Variants in TAS2R3 observed in about 807,000 individuals in gnomAD.
The protein encoded by TAS2R3 is taste 2 receptor member 3.
A neutral mutation model predicts 15.3 loss-of-function variants in TAS2R3; 10 were observed. That is an observed-to-expected ratio of 0.65 (90% CI 0.40 to 1.11). TAS2R3 has a LOEUF of 1.11. TAS2R3 is among the 50% of genes least tolerant of loss of function. The pLI is 0.00. For missense variants in TAS2R3, 383 were observed against 370.3 expected (o/e 1.03, Z -0.28); for synonymous variants, 162 against 141.3 (o/e 1.15, Z -1.04).
In TAS2R3 at chr7:141,764,185, C is replaced by T. The variant is rs771561198; in HGVS notation, c.27C>T (p.Phe9=). The change falls in exon 1 of 1, where the codon TTC becomes TTT. Residue 9 remains phenylalanine, a synonymous_variant. Transcript: ENST00000247879. ...TGATGGGACTCACCGAGGGGGTGTT[C>T]CTGATTCTGTCTGGCACTCAGTTCA... MMGLTEGV[F]LILSGTQFTL... 1.1e-5 allele frequency: 18 copies of T among 1,613,496 alleles called. No individual in the cohort carries two copies. The highest frequency in any genetic ancestry group is 1.5e-5 in the Non-Finnish European group (18 of 1,179,904).
rs897238281 is a variant in TAS2R3 at position 141,764,332 on chromosome 7, G to A, written c.174G>A (p.Leu58=). 2 of 1,614,188 alleles carry A rather than the reference G, an allele frequency of 1.2e-6. No homozygotes were observed. The highest frequency in any genetic ancestry group is 1.7e-6 in the Non-Finnish European group (2 of 1,180,046). The part of the protein sequence containing the change: ...ITTLALLRII[L]LCIILTDSFL... ...CCCTGGCACTCTTGAGGATCATTCT[G>A]CTGTGTATTATCTTGACTGATAGTT... Residue 58 remains leucine, a synonymous_variant, in exon 1 of 1, where the codon CTG becomes CTA. Coordinates refer to ENST00000247879, the MANE Select transcript of TAS2R3 (RefSeq NM_016943.2).
At position 141,765,185 on chromosome 7, in the gene TAS2R3, C is replaced by T; in HGVS notation, c.*76C>T. ...GACTACAGGACTCTTCCTGACCTTC[C>T]TATGTTACCAGTTCCATAACATCAG... On this transcript the variant is annotated 3_prime_UTR_variant, in exon 1 of 1. Coordinates refer to ENST00000247879, the MANE Select transcript of TAS2R3 (RefSeq NM_016943.2). 7.0e-7 allele frequency: 1 copy of T among 1,435,510 alleles called. No individual in the cohort carries two copies. Among genetic ancestry groups the T allele is most frequent in the Non-Finnish European group, 9.4e-7 (1 of 1,061,708 alleles). 88.9% of individuals were successfully genotyped at this position (1,435,510 alleles called of 1,614,324 possible). A position where few individuals can be genotyped will look rare whatever the true frequency, so the allele number is the denominator to read the frequency against.
Position 141,764,540 on chromosome 7 carries a change from A to C in TAS2R3, c.382A>C (p.Arg128=), listed in dbSNP as rs1280086886. Residue 128 remains arginine, a synonymous_variant, in exon 1 of 1, where the codon AGG becomes CGG. Transcript: ENST00000247879. ...TFLWLKWRVS[R]VMVWMLLGAL... Reference sequence around the variant, plus strand: ...CCTCTGGCTCAAGTGGAGAGTTTCTAGGGTGATGGTATGGATGCTGTTGGG... The same window carrying C: ...CCTCTGGCTCAAGTGGAGAGTTTCTCGGGTGATGGTATGGATGCTGTTGGG... 3.1e-6 allele frequency: 5 copies of C among 1,614,094 alleles called. No homozygotes were observed. Among genetic ancestry groups the C allele is most frequent in the Non-Finnish European group, 4.2e-6 (5 of 1,180,004 alleles).
chr7:141,764,178 G>C lies in TAS2R3; in HGVS notation c.20G>C (p.Gly7Ala). 1 of 1,613,160 alleles carries C rather than the reference G, an allele frequency of 6.2e-7. No individual in the cohort carries two copies. The highest frequency in any genetic ancestry group is 8.5e-7 in the Non-Finnish European group (1 of 1,179,764). The change falls in exon 1 of 1, where the codon GGG becomes GCG. Residue 7 changes from glycine to alanine, a missense_variant. By Grantham distance (60) the Gly-to-Ala change is moderately conservative (BLOSUM62 0). Transcript: ENST00000247879. Reference sequence around the variant, plus strand: ...GCTGACATGATGGGACTCACCGAGGGGGTGTTCCTGATTCTGTCTGGCACT... The same window carrying C: ...GCTGACATGATGGGACTCACCGAGGCGGTGTTCCTGATTCTGTCTGGCACT... MMGLTE[G>A]VFLILSGTQF...
chr7:141,765,142 C>T lies in TAS2R3; in HGVS notation c.*33C>T. Reference sequence around the variant, plus strand: ...GAGGGCATGGGGTGGAGCCCTTGAGCCTTTTGGCCTGGCTCAAGACTACAG... The same window carrying T: ...GAGGGCATGGGGTGGAGCCCTTGAGTCTTTTGGCCTGGCTCAAGACTACAG... On this transcript the variant is annotated 3_prime_UTR_variant, in exon 1 of 1. Transcript: ENST00000247879. The T allele has an allele frequency of 2.0e-5, 31 of 1,562,930 alleles. No individual in the cohort carries two copies. The highest frequency in any genetic ancestry group is 2.5e-5 in the Non-Finnish European group (29 of 1,157,978).
rs886527517 is a variant in TAS2R3, at chr7:141,764,337, G to A, written c.179G>A (p.Cys60Tyr). 2 of 1,614,180 alleles carry A rather than the reference G, an allele frequency of 1.2e-6. No individual in the cohort carries two copies. The highest frequency in any genetic ancestry group is 1.7e-5 in the Admixed American group (1 of 60,022). The change falls in exon 1 of 1, where the codon TGT becomes TAT. Residue 60 changes from cysteine (C) to tyrosine (Y), a missense_variant. Physicochemically the swap from Cys to Tyr is radical, Grantham distance 194 (BLOSUM62 -2). Transcript: ENST00000247879. ...GCACTCTTGAGGATCATTCTGCTGT[G>A]TATTATCTTGACTGATAGTTTTTTA... ...TLALLRIILLCIILTDSFLIE... is the reference protein window; with the variant it reads ...TLALLRIILLYIILTDSFLIE...
rs759035678 is a variant in TAS2R3 at position 141,764,659 on chromosome 7, G to A, written c.501G>A (p.Val167=). The change falls in exon 1 of 1, where the codon GTG becomes GTA. Residue 167 remains valine (V), a synonymous_variant. Transcript: ENST00000247879. ...GGGGAATTGAGGCCACCAGGAATGT[G>A]ACTGAACACTTCAGAAAGAAGAGGA... ...VFRGIEATRN[V]TEHFRKKRSE... is the part of the protein sequence containing the mutation. 1.2e-6 allele frequency: 2 copies of A among 1,614,038 alleles called. No individual in the cohort carries two copies. Among genetic ancestry groups the A allele is most frequent in the Non-Finnish European group, 1.7e-6 (2 of 1,180,038 alleles).
chr7:141,764,765 C>T lies in TAS2R3; in HGVS notation c.607C>T (p.Leu203Phe). Residue 203 changes from leucine to phenylalanine, a missense_variant, in exon 1 of 1, where the codon CTC (leucine) becomes TTC (phenylalanine). Leu to Phe is a conservative substitution (Grantham distance 22, BLOSUM62 0). Transcript: ENST00000247879. ...TGTGTCCCTGGCCTCCTACTCTTTG[C>T]TCATCTTCTCCCTGGGGAGGCACAC... ...LIVSLASYSL[L>F]IFSLGRHTRQ... 2.5e-6 allele frequency: 4 copies of T among 1,613,726 alleles called. No homozygotes were observed. The highest frequency in any genetic ancestry group is 3.4e-6 in the Non-Finnish European group (4 of 1,179,764).
rs755112465 is a variant in TAS2R3 at position 141,764,987 on chromosome 7, C to A, written c.829C>A (p.Pro277Thr). Reference sequence around the variant, plus strand: ...TGGCGAAGTAATGACAATGTTTTATCCTGCTGGCCACTCATTTATTCTCAT... The same window carrying A: ...TGGCGAAGTAATGACAATGTTTTATACTGCTGGCCACTCATTTATTCTCAT... ...MIGEVMTMFY[P>T]AGHSFILILG... Residue 277 changes from proline to threonine, a missense_variant, in exon 1 of 1, where the codon CCT becomes ACT. Transcript: ENST00000247879. The A allele has an allele frequency of 6.2e-7, 1 of 1,614,052 alleles. No homozygotes were observed. Among genetic ancestry groups the A allele is most frequent in the African/African-American group, 1.3e-5 (1 of 74,918 alleles).
Position 141,764,402 on chromosome 7 carries a change from A to T in TAS2R3, c.244A>T (p.Met82Leu). 1 of 1,614,158 alleles carries T rather than the reference A, an allele frequency of 6.2e-7. No individual in the cohort carries two copies. The highest frequency in any genetic ancestry group is 1.1e-5 in the South Asian group (1 of 91,072). The change falls in exon 1 of 1, where the codon ATG becomes TTG. Residue 82 changes from methionine (M) to leucine (L), a missense_variant. By Grantham distance (15) the Met-to-Leu change is conservative. Coordinates refer to ENST00000247879, the MANE Select transcript of TAS2R3 (RefSeq NM_016943.2). ...SPNTHDSGII[M>L]QIIDVSWTFT... ...CAACACACATGATTCAGGGATAATA[A>T]TGCAAATTATTGATGTTTCCTGGAC... is the stretch of plus-strand genomic sequence containing the variant.
rs1298158512 is a variant in TAS2R3, at chr7:141,764,419, T to G, written c.261T>G (p.Val87=). The stretch of plus-strand genomic sequence containing the variant: ...GGATAATAATGCAAATTATTGATGT[T>G]TCCTGGACATTTACAAACCATCTGA... ...DSGIIMQIID[V]SWTFTNHLSI... Residue 87 remains valine, a synonymous_variant, in exon 1 of 1, where the codon GTT becomes GTG. Transcript: ENST00000247879. 1 of 1,614,078 alleles carries G rather than the reference T, an allele frequency of 6.2e-7. No individual in the cohort carries two copies. The highest frequency in any genetic ancestry group is 8.5e-7 in the Non-Finnish European group (1 of 1,180,054).
At position 141,764,978 on chromosome 7, in the gene TAS2R3, A is replaced by G. The variant is rs771250168; in HGVS notation, c.820A>G (p.Met274Val). The change falls in exon 1 of 1, where the codon ATG becomes GTG. Residue 274 changes from methionine (M) to valine (V), a missense_variant. Met to Val is a conservative substitution (Grantham distance 21). Coordinates refer to ENST00000247879, the MANE Select transcript of TAS2R3 (RefSeq NM_016943.2). ...MAKMIGEVMT[M>V]FYPAGHSFIL... ...TAAGATGATTGGCGAAGTAATGACA[A>G]TGTTTTATCCTGCTGGCCACTCATT... The G allele has an allele frequency of 4.3e-6, 7 of 1,614,036 alleles. No homozygotes were observed. The highest frequency in any genetic ancestry group is 3.3e-5 in the South Asian group (3 of 91,088).
chr7:141,764,551 A>G lies in TAS2R3; in HGVS notation c.393A>G (p.Val131=), dbSNP rs139753421. The G allele has an allele frequency of 1.1e-4, 173 of 1,613,972 alleles. No homozygotes were observed. The highest frequency in any genetic ancestry group is 1.3e-4 in the Non-Finnish European group (155 of 1,180,022). ...AGTGGAGAGTTTCTAGGGTGATGGT[A>G]TGGATGCTGTTGGGTGCACTGCTCT... ...WLKWRVSRVM[V]WMLLGALLLS... Residue 131 remains valine (V), a synonymous_variant, in exon 1 of 1, where the codon GTA becomes GTG. Transcript: ENST00000247879.
Position 141,764,099 on chromosome 7 carries a change from A to G in TAS2R3, c.-60A>G. 6.4e-7 allele frequency: 1 copy of G among 1,552,948 alleles called. No homozygotes were observed. The highest frequency in any genetic ancestry group is 8.7e-7 in the Non-Finnish European group (1 of 1,154,962). On this transcript the variant is annotated 5_prime_UTR_variant, in exon 1 of 1. Coordinates refer to ENST00000247879, the MANE Select transcript of TAS2R3 (RefSeq NM_016943.2). ...AGATTAACGAGAAAAATATCACATC[A>G]GTGAGGAGATTCTATGTATCAACAG...
In TAS2R3 at chr7:141,764,423, T is replaced by C. The variant is rs1800098353; in HGVS notation, c.265T>C (p.Trp89Arg). ...GIIMQIIDVS[W>R]TFTNHLSIWL... ...AATAATGCAAATTATTGATGTTTCC[T>C]GGACATTTACAAACCATCTGAGCAT... is the stretch of plus-strand genomic sequence containing the variant. The change falls in exon 1 of 1, where the codon TGG (tryptophan) becomes CGG (arginine). Residue 89 changes from tryptophan (W) to arginine (R), a missense_variant. Coordinates refer to ENST00000247879, the MANE Select transcript of TAS2R3 (RefSeq NM_016943.2). The C allele has an allele frequency of 6.2e-7, 1 of 1,614,190 alleles. No homozygotes were observed. The highest frequency in any genetic ancestry group is 2.2e-5 in the East Asian group (1 of 44,880).
Position 141,764,950 on chromosome 7 carries a change from G to A in TAS2R3, c.792G>A (p.Met264Ile), listed in dbSNP as rs773036488. The A allele has an allele frequency of 5.6e-6, 9 of 1,614,196 alleles. No individual in the cohort carries two copies. The highest frequency in any genetic ancestry group is 5.9e-6 in the Non-Finnish European group (7 of 1,180,030). Residue 264 changes from methionine to isoleucine, a missense_variant, in exon 1 of 1, where the codon ATG becomes ATA. Transcript: ENST00000247879. Reference sequence around the variant, plus strand: ...GTAATTTCCTACCAAAAACCAAGATGGCTAAGATGATTGGCGAAGTAATGA... The same window carrying A: ...GTAATTTCCTACCAAAAACCAAGATAGCTAAGATGATTGGCGAAGTAATGA... ...SFGNFLPKTK[M>I]AKMIGEVMTM...
the TAS2R3 span, chr7:141,764,700 TC>T: frequency 6.2e-7 from 1 of 1,614,124 alleles, no homozygotes; most frequent in Non-Finnish European, 8.5e-7. Flanking sequence ...TATTATCTGA[TC>T]CATGTTCTTG....
In TAS2R3 at chr7:141,764,776, C is replaced by T. The variant is rs1204721249; in HGVS notation, c.618C>T (p.Ser206=). The change falls in exon 1 of 1, where the codon TCC becomes TCT. Residue 206 remains serine (S), a synonymous_variant. Transcript: ENST00000247879. ...CCTCCTACTCTTTGCTCATCTTCTC[C>T]CTGGGGAGGCACACACGGCAGATGC... ...SLASYSLLIF[S]LGRHTRQMLQ... is the part of the protein sequence containing the mutation. 1.7e-5 allele frequency: 28 copies of T among 1,613,854 alleles called. No individual in the cohort carries two copies. The highest frequency in any genetic ancestry group is 2.3e-5 in the Non-Finnish European group (27 of 1,179,868).
Position 141,764,923 on chromosome 7 carries a change from T to C in TAS2R3, c.765T>C (p.Phe255=). 6.2e-7 allele frequency: 1 copy of C among 1,614,258 alleles called. No homozygotes were observed. The highest frequency in any genetic ancestry group is 1.1e-5 in the South Asian group (1 of 91,088). The change falls in exon 1 of 1, where the codon TTT becomes TTC. Residue 255 remains phenylalanine, a synonymous_variant. Transcript: ENST00000247879. ...TTCTTGCTTTCTTAATTGCATCATT[T>C]GGTAATTTCCTACCAAAAACCAAGA... is the stretch of plus-strand genomic sequence containing the variant. ...LYFLAFLIAS[F]GNFLPKTKMA...
Sources: allele counts gnomAD v4.1 joint callset, GRCh38; gene constraint gnomAD v4.1.1; transcripts MANE v1.5; gene names NCBI Gene and HGNC (gene_info 2026-07-23, HGNC 2026-07-21).